AGK: variants seen among roughly 807,000 people sequenced by gnomAD.
AGK encodes the protein acylglycerol kinase, mitochondrial.
Under a neutral mutation model 66.4 loss-of-function variants are expected in AGK, and 52 were observed. The observed-to-expected ratio is 0.78, with a 90% CI of 0.63 to 0.99. The LOEUF (loss-of-function observed/expected upper bound fraction) is 0.99, where lower values mean the gene tolerates loss of function less well. AGK is among the 50% of genes least tolerant of loss of function. The pLI is 0.00. For missense variants in AGK, 451 were observed against 506.6 expected (o/e 0.89, Z 1.05); for synonymous variants, 182 against 181.1 (o/e 1.00, Z -0.04).
At chr7:141,597,083 C>T (rs1419603906) in intron 4 of AGK, 5 of 157,970 alleles carry the variant, frequency 3.2e-5, no homozygotes, top group African/African-American at 1.2e-4. Context: ...GAAGACTACC[C>T]ATTCTTCTCA....
intron 13 of AGK, among the ~76,000 whole-genome samples, chr7:141,643,004 A>G (rs1041506119): frequency 7.2e-5 from 11 of 152,238 alleles, no homozygotes; most frequent in Non-Finnish European, 1.5e-5. Context: ...TTCAGCTTGT[A>G]TGCAAATTAG....
At chr7:141,651,682 A>T (rs1447224167) in intron 15 of AGK, 73 bp downstream of exon 15, 2 of 1,375,746 alleles carry the variant, frequency 1.5e-6, no homozygotes. Context: ...GTGGTGTCCC[A>T]TCCTTCCTCT....
At chr7:141,604,985 G>T (rs1351021982) in intron 5 of AGK, among the ~76,000 whole-genome samples, 5 of 149,598 alleles carry the variant, frequency 3.3e-5, no homozygotes, top group African/African-American at 1.2e-4. Flanking sequence ...TTTTAAGAAC[G>T]TCCTTCAGTT....
intron 5 of AGK, among the ~76,000 whole-genome samples, chr7:141,607,832 G>A (rs35254636): frequency 0.035 from 5,246 of 152,002 alleles, 145 homozygotes; most frequent in South Asian, 0.14. Flanking sequence ...CTGGGAGGGG[G>A]CAACTGTTAG....
intron 8 of AGK, chr7:141,616,194 G>A (rs1214260338): frequency 6.6e-6 from 1 of 152,164 alleles, no homozygotes; most frequent in East Asian, 1.9e-4. Flanking sequence ...GCTCTTTCAA[G>A]AAGATAGGAA....
intron 15 of AGK, 143 bp from the exon 16 acceptor site, chr7:141,652,639 ATTTTT>A (rs200654013): frequency 2.7e-6 from 2 of 751,638 alleles, no homozygotes; most frequent in African/African-American, 3.5e-5. Context: ...TAGGCACTGA[ATTTTT>A]TTTTGTAAAA....
At chr7:141,638,604 T>A (rs1017401742) in intron 11 of AGK, among the ~76,000 whole-genome samples, 1 of 152,088 alleles carries the variant, frequency 6.6e-6, no homozygotes, top group African/African-American at 2.4e-5. Flanking sequence ...AGGTGGGAAG[T>A]GACGTATAGA....
At chr7:141,597,395 A>T (rs1289308050) in intron 4 of AGK, 1 of 152,224 alleles carries the variant, frequency 6.6e-6, no homozygotes, top group Non-Finnish European at 1.5e-5. Context: ...ACTTTTTTTT[A>T]CAATGTTAGA....
In AGK at chr7:141,553,729, C is replaced by T. The variant is rs114595388; in HGVS notation, c.-14-1724C>T. Among the ~76,000 whole-genome samples, 828 of 152,246 alleles carry T rather than the reference C, an allele frequency of 5.4e-3. 9 individuals carry two copies. The highest frequency in any genetic ancestry group is 0.018 in the African/African-American group (754 of 41,540). On this transcript the variant is annotated intron_variant, in intron 1 of 15. Transcript: ENST00000649286. ...CCTTTGGAATCATGTGTCAGCCTGA[C>T]GGTGTATGGGATTCACAGGAAGATG...
chr7:141,641,751 CGTG>C, intron 12 of AGK, 57 bp from the exon 13 acceptor site: 1 of 1,389,758 alleles, frequency 7.2e-7, no homozygotes, highest in South Asian at 1.2e-5. Context: ...GCTAGCCGTC[CGTG>C]GTGGGTGGTG....
In AGK at chr7:141,601,304, A is replaced by G. The variant is rs745786240; in HGVS notation, c.297+24A>G. 3.2e-6 allele frequency: 5 copies of G among 1,580,822 alleles called. No individual in the cohort carries two copies. The East Asian group carries it at 1.1e-4, about 35-fold the overall frequency. ...AGGTAAGAATGGCTCCTGAATGTTT[A>G]TTTCACCCAAGCAGCTGCCTCTTAT... On this transcript the variant is annotated intron_variant, in intron 5 of 15. Transcript: ENST00000649286.
chr7:141,632,972 T>A (rs1301164875), intron 9 of AGK, among the ~76,000 whole-genome samples: 6 of 152,208 alleles, frequency 3.9e-5, no homozygotes, highest in Non-Finnish European at 8.8e-5. Context: ...GGAAGCACTC[T>A]TACCCTTGCG....
At chr7:141,574,651 T>A (rs1005189333) in intron 2 of AGK, among the ~76,000 whole-genome samples, 1 of 152,184 alleles carries the variant, frequency 6.6e-6, no homozygotes, top group African/African-American at 2.4e-5. Flanking sequence ...GAGAGAAGCC[T>A]CCAGGCGATA....
At chr7:141,607,252 A>G (rs886782550) in intron 5 of AGK, among the ~76,000 whole-genome samples, 1 of 152,146 alleles carries the variant, frequency 6.6e-6, no homozygotes, top group Non-Finnish European at 1.5e-5. Flanking sequence ...TGGCTGTACC[A>G]TTTTGTATTA....
chr7:141,636,808 A>G, intron 10 of AGK, 152 bp from the exon 11 acceptor site: 1 of 513,442 alleles, frequency 1.9e-6, no homozygotes. Flanking sequence ...TGAATGTAAT[A>G]CTCTTTTATA....
chr7:141,589,794 A>G (rs1018349463), intron 2 of AGK, among the ~76,000 whole-genome samples: 18 of 152,190 alleles, frequency 1.2e-4, no homozygotes, highest in African/African-American at 4.1e-4. Context: ...TCCCGACCTC[A>G]GGTGATCCGC....
chr7:141,613,842 G>C (rs1198911858), intron 6 of AGK, among the ~76,000 whole-genome samples: 1 of 152,130 alleles, frequency 6.6e-6, no homozygotes, highest in East Asian at 1.9e-4. Flanking sequence ...TAATTGATGT[G>C]TACATCATAT....
chr7:141,609,860 T>A (rs1796542992), intron 5 of AGK, among the ~76,000 whole-genome samples: 1 of 152,144 alleles, frequency 6.6e-6, no homozygotes, highest in East Asian at 1.9e-4. Flanking sequence ...ACAAAAGACA[T>A]TTTTATCGCT....
intron 2 of AGK, among the ~76,000 whole-genome samples, chr7:141,562,585 G>T (rs568001109): frequency 3.0e-4 from 46 of 152,266 alleles, no homozygotes; most frequent in African/African-American, 1.1e-3. Flanking sequence ...GTTCCAGAGG[G>T]CATTATGGCT....
Sources: allele counts gnomAD v4.1 joint callset (sites outside exome capture counted in the v4.1 genomes callset), GRCh38; gene constraint gnomAD v4.1.1; transcripts MANE v1.5; gene names NCBI Gene and HGNC (gene_info 2026-07-23, HGNC 2026-07-21).